ZNF407: variants seen among roughly 807,000 people sequenced by gnomAD.
ZNF407 encodes zinc finger protein 407.
In ZNF407, 17 loss-of-function variants were observed where a neutral mutation model predicts 131.2. The ratio of observed to expected loss-of-function variants is 0.13; its 90% CI spans 0.09 to 0.19. The LOEUF (loss-of-function observed/expected upper bound fraction) is 0.19, where lower values mean the gene tolerates loss of function less well. Among genes scored for constraint, ZNF407 ranks in the 10% least tolerant of loss-of-function variants. The pLI is 1.00. For missense variants in ZNF407, 2,681 were observed against 2,830.6 expected, an observed-to-expected ratio of 0.95 and a Z score of 1.20; for synonymous variants, 1,156 against 1,062.0, an observed-to-expected ratio of 1.09 and a Z score of -1.72.
intron 1 of ZNF407, among the ~76,000 whole-genome samples, chr18:74,622,012 A>G (rs543700909): frequency 6.6e-6 from 1 of 151,790 alleles, no homozygotes; most frequent in African/African-American, 2.4e-5. Flanking sequence ...GGTGTTGTAT[A>G]CTCTCTTCTC....
At chr18:74,861,844 A>C (rs1192145402) in intron 4 of ZNF407, among the ~76,000 whole-genome samples, 1 of 152,164 alleles carries the variant, frequency 6.6e-6, no homozygotes, top group African/African-American at 2.4e-5. Context: ...GATTTTGTGA[A>C]TATGGATATT....
At chr18:74,725,315 A>G (rs908085735) in intron 3 of ZNF407, among the ~76,000 whole-genome samples, 4 of 152,262 alleles carry the variant, frequency 2.6e-5, no homozygotes, top group Middle Eastern at 6.8e-3. Context: ...TAAACATAAA[A>G]ACAGTTTCTA....
At chr18:74,936,408 A>T (rs1417634241) in intron 8 of ZNF407, among the ~76,000 whole-genome samples, 1 of 152,168 alleles carries the variant, frequency 6.6e-6, no homozygotes, top group Non-Finnish European at 1.5e-5. Flanking sequence ...CCCAAATCTG[A>T]CATGTTAGTT....
intron 8 of ZNF407, among the ~76,000 whole-genome samples, chr18:75,015,878 G>T (rs1270471805): frequency 6.6e-6 from 1 of 151,890 alleles, no homozygotes; most frequent in Non-Finnish European, 1.5e-5. Context: ...GCAGTTATCA[G>T]GTAATCAGAG....
intron 8 of ZNF407, among the ~76,000 whole-genome samples, chr18:74,931,395 G>T (rs1971980854): frequency 6.6e-6 from 1 of 152,036 alleles, no homozygotes; most frequent in Non-Finnish European, 1.5e-5. Context: ...ATGGACAAAT[G>T]ATCAAAATAA....
At chr18:74,971,488 C>T (rs112636742) in intron 8 of ZNF407, among the ~76,000 whole-genome samples, 395 of 152,324 alleles carry the variant, frequency 2.6e-3, no homozygotes, top group African/African-American at 8.6e-3. Flanking sequence ...TCATTTCTCT[C>T]AAGTTCAAAG....
chr18:74,707,268 C>A (rs895785581), intron 3 of ZNF407, among the ~76,000 whole-genome samples: 35 of 152,082 alleles, frequency 2.3e-4, no homozygotes, highest in African/African-American at 7.5e-4. Context: ...GTTTCATTTA[C>A]CCAATACACT....
intron 7 of ZNF407, among the ~76,000 whole-genome samples, chr18:74,890,266 AC>A: frequency 6.6e-6 from 1 of 152,124 alleles, no homozygotes; most frequent in East Asian, 1.9e-4. Flanking sequence ...TGTATCCCCT[AC>A]CCCACACGTG....
chr18:74,671,349 G>A (rs1986133464), intron 3 of ZNF407, among the ~76,000 whole-genome samples: 1 of 151,712 alleles, frequency 6.6e-6, no homozygotes, highest in African/African-American at 2.4e-5. Flanking sequence ...GGCCATTACA[G>A]GTAAGTTATT....
chr18:74,635,104 G>T lies in ZNF407; in HGVS notation c.4085G>T (p.Arg1362Ile), dbSNP rs1356950582. The T allele has an allele frequency of 6.2e-7, 1 of 1,613,886 alleles. No individual in the cohort carries two copies. Among genetic ancestry groups the T allele is most frequent in the Non-Finnish European group, 8.5e-7 (1 of 1,179,862 alleles). ...GGTCGATTTGACTCCTCCATAATAA[G>T]AATAAAGAACCCTGAAGATGGTGAG... ...SFGRFDSSII[R>I]IKNPEDGELI... is the part of the protein sequence containing the mutation. Residue 1362 changes from arginine (R) to isoleucine (I), a missense_variant, in exon 2 of 9, where the codon AGA becomes ATA. Arg to Ile is a moderately conservative substitution (Grantham distance 97). Transcript: ENST00000299687. This position sits in a 1 kb window ranked among gnomAD's most constrained non-coding sequence, Gnocchi z 4.7.
chr18:74,779,893 T>A (rs1969563688), intron 3 of ZNF407, among the ~76,000 whole-genome samples: 1 of 152,188 alleles, frequency 6.6e-6, no homozygotes, highest in South Asian at 2.1e-4. Context: ...TATGTTTTTT[T>A]AATTATAGAC....
At chr18:74,630,361 CAG>C (rs1983999257) in intron 1 of ZNF407, among the ~76,000 whole-genome samples, 1 of 151,984 alleles carries the variant, frequency 6.6e-6, no homozygotes, top group South Asian at 2.1e-4. Context: ...TTAGTAGCGA[CAG>C]GGTTTCACTG....
Position 74,781,154 on chromosome 18 carries a change from G to A in ZNF407, c.4803-274G>A, listed in dbSNP as rs117774881. 5.8e-3 allele frequency among the ~76,000 whole-genome samples: 884 copies of A among 152,224 alleles called. 3 individuals carry two copies. Among genetic ancestry groups the A allele is most frequent in the Non-Finnish European group, 0.01 (691 of 67,986 alleles). ...TTCATCTTTCTTACCAACTGGAAGTGAAGACAGGGATTGAAGAACTACAAT... is the reference window on the plus strand; with the variant it reads ...TTCATCTTTCTTACCAACTGGAAGTAAAGACAGGGATTGAAGAACTACAAT... On this transcript the variant is annotated intron_variant, in intron 3 of 8. Coordinates refer to ENST00000299687, the MANE Select transcript of ZNF407 (RefSeq NM_017757.3).
At chr18:75,003,538 T>C (rs1427704227) in intron 8 of ZNF407, among the ~76,000 whole-genome samples, 1 of 152,238 alleles carries the variant, frequency 6.6e-6, no homozygotes, top group Non-Finnish European at 1.5e-5. Flanking sequence ...TCTTATTCCT[T>C]GTCATGTTTC....
At chr18:74,874,061 C>T (rs1446566644) in intron 4 of ZNF407, among the ~76,000 whole-genome samples, 1 of 152,066 alleles carries the variant, frequency 6.6e-6, no homozygotes, top group African/African-American at 2.4e-5. Flanking sequence ...TTTTTCATTT[C>T]AATTCTGTTA....
chr18:74,639,908 G>A (rs549970777), intron 2 of ZNF407, among the ~76,000 whole-genome samples: 2 of 151,874 alleles, frequency 1.3e-5, no homozygotes, highest in African/African-American at 4.8e-5. Flanking sequence ...CTGCACAAAG[G>A]TTCATTGATC....
intron 8 of ZNF407, among the ~76,000 whole-genome samples, chr18:74,950,192 T>C (rs1336342186): frequency 1.3e-5 from 2 of 152,194 alleles, no homozygotes; most frequent in African/African-American, 4.8e-5. Flanking sequence ...ATCTTGGAAA[T>C]GTCCAGCTCA....
intron 8 of ZNF407, among the ~76,000 whole-genome samples, chr18:75,024,334 C>T (rs1045785516): frequency 2.0e-5 from 3 of 152,090 alleles, no homozygotes; most frequent in Admixed American, 2.0e-4. Flanking sequence ...TTGATTAATT[C>T]ATTATGTAAT....
At chr18:74,617,270 A>T (rs1030643864) in intron 1 of ZNF407, among the ~76,000 whole-genome samples, 17 of 152,058 alleles carry the variant, frequency 1.1e-4, no homozygotes, top group African/African-American at 4.1e-4. Flanking sequence ...CTCAGTCTGT[A>T]TCATCTAAGA....
Sources: gnomAD v4.1 joint callset for allele counts (sites outside exome capture counted in the v4.1 genomes callset) on GRCh38, gnomAD v4.1.1 for gene constraint, Gnocchi (gnomAD v3.1) non-coding constraint, MANE v1.5 for transcripts, NCBI Gene and HGNC (gene_info 2026-07-23, HGNC 2026-07-21) for gene names.